Variants in EEIG2 observed in about 807,000 individuals in gnomAD.
EEIG2 encodes the protein EEIG family member 2.
the EEIG2 span, chr1:108,625,774 C>CTCTGTGTGTGTG: frequency 1.0e-3 from 24 of 23,274 alleles, no homozygotes; most frequent in African/African-American, 1.5e-3. Flanking sequence ...CTCTCTCTCT[C>CTCTGTGTGTGTG]TGTGTGTGTG....
the EEIG2 span, among the ~76,000 whole-genome samples, chr1:108,562,039 A>T: frequency 1.3e-5 from 2 of 152,226 alleles, no homozygotes; most frequent in African/African-American, 4.8e-5. Context: ...GCAGTCATTT[A>T]TTCAGCAAAT....
At chr1:108,601,224 A>C in the EEIG2 span, among the ~76,000 whole-genome samples, 1 of 150,772 alleles carries the variant, frequency 6.6e-6, no homozygotes, top group African/African-American at 2.4e-5. Flanking sequence ...CAATAATCTA[A>C]AAAAAAAATG....
chr1:108,594,768 C>T, the EEIG2 span, among the ~76,000 whole-genome samples: 1 of 151,988 alleles, frequency 6.6e-6, no homozygotes, highest in East Asian at 1.9e-4. Flanking sequence ...GTATTTTTTC[C>T]CGTAAGATTA....
the EEIG2 span, among the ~76,000 whole-genome samples, chr1:108,604,029 G>C: frequency 2.0e-5 from 3 of 152,230 alleles, no homozygotes; most frequent in Middle Eastern, 3.2e-3. Context: ...CCTAGGAGGA[G>C]AGACAAGTGA....
the EEIG2 span, among the ~76,000 whole-genome samples, chr1:108,612,021 C>A: frequency 2.6e-5 from 4 of 151,660 alleles, no homozygotes; most frequent in Non-Finnish European, 5.9e-5. Context: ...TTTAAAAACA[C>A]AAAGCAAATA....
chr1:108,600,423 G>C, the EEIG2 span: 1 of 810,436 alleles, frequency 1.2e-6, no homozygotes, highest in East Asian at 2.8e-5. Flanking sequence ...TTAGGAATTT[G>C]CTTCCTTCCT....
chr1:108,586,538 A>C, the EEIG2 span, among the ~76,000 whole-genome samples: 7 of 152,114 alleles, frequency 4.6e-5, no homozygotes, highest in African/African-American at 1.7e-4. Context: ...TGCTGAGTCT[A>C]AAATTTGTTC....
the EEIG2 span, among the ~76,000 whole-genome samples, chr1:108,568,261 G>A: frequency 6.6e-6 from 1 of 152,128 alleles, no homozygotes; most frequent in Non-Finnish European, 1.5e-5. Flanking sequence ...TTTTGCTAAA[G>A]ATGACACACA....
the EEIG2 span, among the ~76,000 whole-genome samples, chr1:108,605,735 C>T: frequency 6.6e-6 from 1 of 152,070 alleles, no homozygotes; most frequent in Non-Finnish European, 1.5e-5. Context: ...TCCACTTTGG[C>T]CAGCCTTTTC....
the EEIG2 span, chr1:108,606,298 T>A: frequency 2.2e-6 from 3 of 1,333,830 alleles, no homozygotes; most frequent in South Asian, 1.5e-5. Flanking sequence ...TAATGTTGCT[T>A]ATTGCTATTT....
the EEIG2 span, among the ~76,000 whole-genome samples, chr1:108,593,870 A>G: frequency 1.3e-5 from 2 of 152,066 alleles, no homozygotes; most frequent in Admixed American, 6.6e-5. Context: ...CAGTGGCGCA[A>G]TCTCAGCTCA....
At chr1:108,631,155 G>A in the EEIG2 span, 1 of 392,140 alleles carries the variant, frequency 2.6e-6, no homozygotes, top group Non-Finnish European at 5.1e-6. Flanking sequence ...TTCAGTAACT[G>A]TTTCTTGGGC....
the EEIG2 span, chr1:108,628,124 C>T: frequency 0.9 from 1,397,092 of 1,553,550 alleles, 635,108 homozygotes; most frequent in Non-Finnish European, 0.93. Flanking sequence ...TGACCATTAA[C>T]TTTTTGGCAA....
chr1:108,623,450 G>A, the EEIG2 span, among the ~76,000 whole-genome samples: 1 of 151,636 alleles, frequency 6.6e-6, no homozygotes, highest in African/African-American at 2.4e-5. Flanking sequence ...AGCCATGATT[G>A]CGCCACCGCA....
chr1:108,586,848 A>C, the EEIG2 span, among the ~76,000 whole-genome samples: 14 of 152,156 alleles, frequency 9.2e-5, no homozygotes, highest in Non-Finnish European at 1.0e-4. Flanking sequence ...TTATTTTCCC[A>C]CACCTTTTTA....
chr1:108,595,567 G>A, the EEIG2 span, among the ~76,000 whole-genome samples: 2 of 133,110 alleles, frequency 1.5e-5, no homozygotes, highest in Non-Finnish European at 3.2e-5. Flanking sequence ...GAGAGGGAGA[G>A]AGGGAGGAAA....
the EEIG2 span, among the ~76,000 whole-genome samples, chr1:108,607,784 A>G: frequency 2.0e-5 from 3 of 152,156 alleles, no homozygotes; most frequent in Admixed American, 6.5e-5. Context: ...CCCTCTAAAA[A>G]GGTCTTGAAA....
At chr1:108,626,576 A>G in the EEIG2 span, 9 of 152,214 alleles carry the variant, frequency 5.9e-5, 1 homozygote, top group Admixed American at 2.0e-4. Context: ...CTGGATTATT[A>G]TGAAAACCTA....
At chr1:108,629,150 G>A in the EEIG2 span, among the ~76,000 whole-genome samples, 2 of 152,172 alleles carry the variant, frequency 1.3e-5, no homozygotes, top group Admixed American at 1.3e-4. Flanking sequence ...TAATTTGGAG[G>A]TGGTCTTAGA....
Sources: allele counts gnomAD v4.1 joint callset (sites outside exome capture counted in the v4.1 genomes callset), GRCh38; gene constraint gnomAD v4.1.1; transcripts MANE v1.5; gene names NCBI Gene and HGNC (gene_info 2026-07-23, HGNC 2026-07-21).